Variants in SLC60A1 observed in about 807,000 individuals in gnomAD.
SLC60A1 encodes solute carrier family 60 member 1.
chr1:205,573,820 C>T, the SLC60A1 span, among the ~76,000 whole-genome samples: 5 of 152,188 alleles, frequency 3.3e-5, no homozygotes, highest in East Asian at 9.7e-4. Context: ...CCTCAGGCCT[C>T]CCTAGAAGCT....
chr1:205,593,418 C>CCGAAATCCCGCCACTGA, the SLC60A1 span, among the ~76,000 whole-genome samples: 1 of 60,596 alleles, frequency 1.7e-5, no homozygotes, highest in Non-Finnish European at 3.6e-5. Context: ...TTGCAGTGAG[C>CCGAAATCCCGCCACTGA]ACTCCAGCCT....
chr1:205,596,576 A>AAAG, the SLC60A1 span, among the ~76,000 whole-genome samples: 1 of 139,936 alleles, frequency 7.1e-6, no homozygotes, highest in East Asian at 2.2e-4. Context: ...AAAAAAAAAA[A>AAAG]AAGATGAATG....
the SLC60A1 span, chr1:205,584,274 T>G: frequency 1.1e-6 from 1 of 881,676 alleles, no homozygotes; most frequent in South Asian, 1.9e-5. Flanking sequence ...CAGGCTGGAG[T>G]GCAGTGGTGC....
chr1:205,597,797 C>T, the SLC60A1 span: 3 of 1,613,894 alleles, frequency 1.9e-6, no homozygotes, highest in African/African-American at 2.7e-5. Flanking sequence ...AACCACAGTG[C>T]TGGTGACAGG....
the SLC60A1 span, chr1:205,579,863 G>A: frequency 1.9e-6 from 3 of 1,614,140 alleles, no homozygotes; most frequent in Admixed American, 5.0e-5. Context: ...CATGGCGCTG[G>A]CGGGCTTGGC....
the SLC60A1 span, chr1:205,601,033 C>G: frequency 6.6e-6 from 1 of 152,196 alleles, no homozygotes; most frequent in Non-Finnish European, 1.5e-5. Context: ...CTTTGGTATA[C>G]TAATGTAGTG....
At chr1:205,600,735 C>T in the SLC60A1 span, 8 of 420,672 alleles carry the variant, frequency 1.9e-5, no homozygotes, top group East Asian at 1.3e-4. Flanking sequence ...AGGAGACAGC[C>T]GCGCGCTTCA....
chr1:205,569,299 C>T, the SLC60A1 span: 2 of 1,513,820 alleles, frequency 1.3e-6, no homozygotes, highest in Non-Finnish European at 1.8e-6. Context: ...TTCAAAAGGA[C>T]GTGAGTGCCG....
the SLC60A1 span, among the ~76,000 whole-genome samples, chr1:205,596,544 CAAAAAAAAAAAAAAAA>C: frequency 3.1e-4 from 15 of 49,138 alleles, 1 homozygote; most frequent in South Asian, 5.7e-3. Context: ...GACTCTGTCT[CAAAAAAAAAAAAAAAA>C]AAAAAAAAAA....
At chr1:205,578,331 A>G in the SLC60A1 span, among the ~76,000 whole-genome samples, 6 of 152,246 alleles carry the variant, frequency 3.9e-5, no homozygotes, top group African/African-American at 1.4e-4. Context: ...AGAGAGAACT[A>G]TGATGAGCAG....
chr1:205,587,285 C>T, the SLC60A1 span, among the ~76,000 whole-genome samples: 1 of 152,130 alleles, frequency 6.6e-6, no homozygotes, highest in Non-Finnish European at 1.5e-5. Flanking sequence ...TCCAAGTAGC[C>T]CAATGAGGGT....
the SLC60A1 span, chr1:205,569,373 C>A: frequency 7.2e-6 from 8 of 1,109,412 alleles, no homozygotes; most frequent in Middle Eastern, 1.4e-3. Flanking sequence ...CCTTCCCTCC[C>A]GCCCCGCGAC....
chr1:205,586,440 A>C, the SLC60A1 span, among the ~76,000 whole-genome samples: 2 of 152,178 alleles, frequency 1.3e-5, no homozygotes, highest in Non-Finnish European at 2.9e-5. Flanking sequence ...TGCTGATCTT[A>C]TACCCTTAAA....
the SLC60A1 span, among the ~76,000 whole-genome samples, chr1:205,580,411 T>A: frequency 1.1e-4 from 16 of 152,182 alleles, no homozygotes; most frequent in Non-Finnish European, 2.1e-4. The surrounding 1 kb of genome is among the most constrained non-coding windows in gnomAD (Gnocchi z 5.0). Context: ...TTGGGCACTG[T>A]CACCCGAGTC....
chr1:205,573,989 G>A, the SLC60A1 span, among the ~76,000 whole-genome samples: 2 of 152,000 alleles, frequency 1.3e-5, no homozygotes, highest in Non-Finnish European at 2.9e-5. Flanking sequence ...GAGCCACTGC[G>A]CCTGGCCTGG....
At chr1:205,597,279 C>T in the SLC60A1 span, among the ~76,000 whole-genome samples, 22,501 of 151,780 alleles carry the variant, frequency 0.15, 1,959 homozygotes, top group East Asian at 0.38. Context: ...CCTAGGCATT[C>T]CCAAAGCAAA....
chr1:205,572,580 G>T, the SLC60A1 span, among the ~76,000 whole-genome samples: 1 of 151,932 alleles, frequency 6.6e-6, no homozygotes, highest in Non-Finnish European at 1.5e-5. Context: ...TACACCAGTT[G>T]CCCAGGCCAC....
chr1:205,586,231 T>TC, the SLC60A1 span: 1 of 1,611,766 alleles, frequency 6.2e-7, no homozygotes, highest in Non-Finnish European at 8.5e-7. Flanking sequence ...TAGCCTCCTC[T>TC]CTCTTCTGAG....
the SLC60A1 span, chr1:205,597,452 G>A: frequency 7.5e-5 from 13 of 173,624 alleles, no homozygotes; most frequent in South Asian, 3.6e-4. Context: ...GCAGTGGTGC[G>A]ATCATGGCTC....
Sources: allele counts gnomAD v4.1 joint callset (sites outside exome capture counted in the v4.1 genomes callset), GRCh38; gene constraint gnomAD v4.1.1; non-coding constraint Gnocchi (gnomAD v3.1); transcripts MANE v1.5; gene names NCBI Gene and HGNC (gene_info 2026-07-23, HGNC 2026-07-21).